The following EPHA6 variants were observed in gnomAD, a reference collection of about 807,000 sequenced individuals.
The protein encoded by EPHA6 is EPH receptor A6.
Under a neutral mutation model 112.0 loss-of-function variants are expected in EPHA6, and 50 were observed. That is an observed-to-expected ratio of 0.45 (90% CI 0.36 to 0.56). The LOEUF is 0.56. Among genes scored for constraint, EPHA6 ranks in the 20% least tolerant of loss-of-function variants. EPHA6 has a pLI of 0.00. For missense variants in EPHA6, 1,280 were observed against 1,417.4 expected (o/e 0.90, Z 1.56); for synonymous variants, 529 against 490.7 (o/e 1.08, Z -1.03).
rs546103113 is a variant in EPHA6, at chr3:97,648,631, T to A, written c.2784+10549T>A. On this transcript the variant is annotated intron_variant, in intron 14 of 17. Transcript: ENST00000389672. ...TGAGTAAATGGGATTCGTCTGGAGA[T>A]CATGCTTAACCTTTTAGTAAAACAT... The A allele has an allele frequency of 1.2e-5, 13 of 1,112,406 alleles. No homozygotes were observed. The South Asian group carries it at 5.4e-4, about 46-fold the overall frequency. The allele number at this position is 1,112,406 out of a possible 1,614,324, so 68.9% of individuals were successfully genotyped here.
Position 97,625,053 on chromosome 3 carries a change from T to C in EPHA6, c.2575-12820T>C, listed in dbSNP as rs1438477446. On this transcript the variant is annotated intron_variant, in intron 13 of 17. Transcript: ENST00000389672. Reference sequence around the variant, plus strand: ...TTTCTATTCTCTATTTTATTTATCTTTCTTCTAATATTTATTTCCTTATTT... The same window carrying C: ...TTTCTATTCTCTATTTTATTTATCTCTCTTCTAATATTTATTTCCTTATTT... 5.9e-5 allele frequency among the ~76,000 whole-genome samples: 9 copies of C among 151,592 alleles called. No individual in the cohort carries two copies. The East Asian group carries it at 1.7e-3, about 29-fold the overall frequency.
rs368002096 is a variant in EPHA6 at position 97,012,607 on chromosome 3, G to GTGTGTGTATA, written c.1114+24615_1114+24616insGTGTGTATAT. Among the ~76,000 whole-genome samples the GTGTGTGTATA allele has an allele frequency of 2.8e-3, 369 of 132,072 alleles. 3 individuals are homozygous for GTGTGTGTATA. The highest frequency in any genetic ancestry group is 0.01 in the African/African-American group (335 of 31,966). The allele number at this position is 132,072 out of a possible 152,430, so 86.6% of individuals were successfully genotyped here. A position where few individuals can be genotyped will look rare whatever the true frequency, so the allele number is the denominator to read the frequency against. ...TATATGTGTGTGTGTGTGTGTGTGT[G>GTGTGTGTATA]TATATATATATATATGTATTTTTTT... On this transcript the variant is annotated intron_variant, in intron 3 of 17. Coordinates refer to ENST00000389672, the MANE Select transcript of EPHA6 (RefSeq NM_001080448.3).
intron 3 of EPHA6, among the ~76,000 whole-genome samples, chr3:96,992,654 C>G (rs1158008253): frequency 2.0e-5 from 3 of 151,976 alleles, no homozygotes; most frequent in Non-Finnish European, 4.4e-5. Flanking sequence ...GGGTTACTCA[C>G]CTTAGCATTC....
At chr3:97,605,833 A>G (rs1269954957) in intron 12 of EPHA6, among the ~76,000 whole-genome samples, 2 of 151,604 alleles carry the variant, frequency 1.3e-5, no homozygotes, top group Non-Finnish European at 3.0e-5. Flanking sequence ...TGCTTTGGGC[A>G]GTATGGCCAT....
chr3:97,622,390 C>G (rs558144658), intron 13 of EPHA6, among the ~76,000 whole-genome samples: 39 of 151,868 alleles, frequency 2.6e-4, no homozygotes, highest in Admixed American at 5.3e-4. Context: ...GCATAATGTC[C>G]TCAAAGTTCA....
At chr3:96,907,027 T>C (rs1176609213) in intron 2 of EPHA6, among the ~76,000 whole-genome samples, 1 of 151,820 alleles carries the variant, frequency 6.6e-6, no homozygotes, top group East Asian at 1.9e-4. Flanking sequence ...AGCCCCTAAA[T>C]TGACATTTAT....
At chr3:97,365,496 T>G (rs1042283993) in intron 5 of EPHA6, among the ~76,000 whole-genome samples, 1 of 152,030 alleles carries the variant, frequency 6.6e-6, no homozygotes, top group African/African-American at 2.4e-5. Flanking sequence ...GTTCAGGGGA[T>G]TCTCCTACCT....
At chr3:96,891,061 G>T (rs1373558645) in intron 2 of EPHA6, among the ~76,000 whole-genome samples, 1 of 152,102 alleles carries the variant, frequency 6.6e-6, no homozygotes, top group African/African-American at 2.4e-5. Context: ...CTCCAGCCTG[G>T]GTGACAGAGT....
chr3:97,053,757 T>G (rs1021010545), intron 3 of EPHA6, among the ~76,000 whole-genome samples: 4 of 152,130 alleles, frequency 2.6e-5, no homozygotes, highest in African/African-American at 9.7e-5. Context: ...GCCTTCCATT[T>G]TACATTTATC....
chr3:97,594,690 GAGA>G (rs2093572415), intron 12 of EPHA6, among the ~76,000 whole-genome samples: 1 of 152,002 alleles, frequency 6.6e-6, no homozygotes, highest in East Asian at 1.9e-4. Context: ...CAGTAATCAT[GAGA>G]AGTTTTTATT....
chr3:97,063,649 C>T (rs759561638), intron 3 of EPHA6, among the ~76,000 whole-genome samples: 1 of 151,862 alleles, frequency 6.6e-6, no homozygotes, highest in South Asian at 2.1e-4. Context: ...CCATGGCACA[C>T]GTTTACCTAT....
At chr3:96,860,438 G>T (rs1484191564) in intron 1 of EPHA6, among the ~76,000 whole-genome samples, 1 of 151,766 alleles carries the variant, frequency 6.6e-6, no homozygotes, top group Non-Finnish European at 1.5e-5. Flanking sequence ...GATTGAGATG[G>T]CCATTATATT....
intron 3 of EPHA6, among the ~76,000 whole-genome samples, chr3:97,058,584 G>A (rs1422729456): frequency 6.6e-6 from 1 of 152,194 alleles, no homozygotes; most frequent in Non-Finnish European, 1.5e-5. Context: ...TTACAGGTGT[G>A]AGCCACCATG....
At chr3:97,705,850 A>G (rs984588357) in intron 14 of EPHA6, among the ~76,000 whole-genome samples, 9 of 152,198 alleles carry the variant, frequency 5.9e-5, no homozygotes, top group Non-Finnish European at 1.0e-4. Context: ...TGAAGATGAT[A>G]TAAATTATTT....
chr3:97,423,524 CTATT>C (rs1043515770), intron 6 of EPHA6, among the ~76,000 whole-genome samples: 2 of 152,036 alleles, frequency 1.3e-5, no homozygotes, highest in African/African-American at 4.8e-5. Context: ...AATGGAAAAA[CTATT>C]CATGTACAGG....
chr3:97,466,562 T>C, intron 7 of EPHA6: 2 of 735,650 alleles, frequency 2.7e-6, no homozygotes, highest in South Asian at 3.1e-5. Context: ...GATGTCTCAG[T>C]CTCAGTTCTG....
chr3:97,228,480 T>C (rs2078424981), intron 4 of EPHA6, among the ~76,000 whole-genome samples: 1 of 151,980 alleles, frequency 6.6e-6, no homozygotes, highest in Non-Finnish European at 1.5e-5. Context: ...TTGCTGCAAA[T>C]ACCATTATTT....
chr3:97,651,163 G>C (rs1375662225), intron 14 of EPHA6, among the ~76,000 whole-genome samples: 1 of 152,018 alleles, frequency 6.6e-6, no homozygotes, highest in Non-Finnish European at 1.5e-5. Flanking sequence ...TAGAAAGAAA[G>C]TGATTGAAAT....
At chr3:97,732,738 GATTAAA>G (rs1244544574) in intron 15 of EPHA6, among the ~76,000 whole-genome samples, 1 of 152,028 alleles carries the variant, frequency 6.6e-6, no homozygotes, top group South Asian at 2.1e-4. Context: ...TTATTGTGAA[GATTAAA>G]AGAGTTAACA....
Sources: gnomAD v4.1 joint callset for allele counts (sites outside exome capture counted in the v4.1 genomes callset) on GRCh38, gnomAD v4.1.1 for gene constraint, MANE v1.5 for transcripts, NCBI Gene and HGNC (gene_info 2026-07-23, HGNC 2026-07-21) for gene names.